The following AK3 variants were observed in gnomAD, a reference collection of about 807,000 sequenced individuals.
AK3 encodes the protein GTP:AMP phosphotransferase AK3, mitochondrial.
In AK3, 27 loss-of-function variants were observed where a neutral mutation model predicts 23.7. The observed-to-expected ratio is 1.14, with a 90% CI of 0.84 to 1.57. The LOEUF is 1.57. Ranked by LOEUF, AK3 falls within the 40% of genes most tolerant of loss-of-function variation. The probability of loss-of-function intolerance (pLI) is 0.00; values close to 1 mark genes in which losing one functional copy is unlikely to be tolerated. For missense variants in AK3, 406 were observed against 285.6 expected, an observed-to-expected ratio of 1.42 and a Z score of -3.04; for synonymous variants, 159 against 116.0, an observed-to-expected ratio of 1.37 and a Z score of -2.38.
Position 4,710,471 on chromosome 9 carries a change from G to C in AK3, c.*2505C>G, listed in dbSNP as rs1680427124. 6.6e-6 allele frequency: 1 copy of C among 150,818 alleles called. No individual in the cohort carries two copies. The highest frequency in any genetic ancestry group is 2.1e-4 in the South Asian group (1 of 4,786). 9.3% of individuals were successfully genotyped at this position (150,818 alleles called of 1,614,324 possible). ...CCTGACCTCGTGATCCGCCCGCCTC[G>C]GCCTCCCAAAGTGCTGGGATTACAG... On this transcript the variant is annotated 3_prime_UTR_variant, in exon 5 of 5. Coordinates refer to ENST00000381809, the MANE Select transcript of AK3 (RefSeq NM_016282.4).
Position 4,725,112 on chromosome 9 carries a change from C to A in AK3, c.152-2487G>T, listed in dbSNP as rs566747726. On this transcript the variant is annotated intron_variant, in intron 1 of 4. Coordinates refer to ENST00000381809, the MANE Select transcript of AK3 (RefSeq NM_016282.4). Reference sequence around the variant, plus strand: ...ATCTTGGCTCACTGCAACCTCCCCCCTCCCAGGTTCAAGTGATTCTCCTGC... The same window carrying A: ...ATCTTGGCTCACTGCAACCTCCCCCATCCCAGGTTCAAGTGATTCTCCTGC... Among the ~76,000 whole-genome samples the A allele has an allele frequency of 2.0e-5, 3 of 151,714 alleles. 1 individual carries two copies. The highest frequency in any genetic ancestry group is 4.8e-5 in the African/African-American group (2 of 41,318).
Position 4,709,975 on chromosome 9 carries a change from G to A in AK3, c.*3001C>T, listed in dbSNP as rs1315736528. 1 of 152,138 alleles carries A rather than the reference G, an allele frequency of 6.6e-6. No homozygotes were observed. The highest frequency in any genetic ancestry group is 2.4e-5 in the African/African-American group (1 of 41,434). The allele number at this position is 152,138 out of a possible 1,614,324, so 9.4% of individuals were successfully genotyped here. A position where few individuals can be genotyped will look rare whatever the true frequency, so the allele number is the denominator to read the frequency against. Reference sequence around the variant, plus strand: ...ATAGGGCAGTTTTGTCACAAGTTATGAGGATCCAAAATATCTTGCTAGAAT... The same window carrying A: ...ATAGGGCAGTTTTGTCACAAGTTATAAGGATCCAAAATATCTTGCTAGAAT... On this transcript the variant is annotated 3_prime_UTR_variant, in exon 5 of 5. Coordinates refer to ENST00000381809, the MANE Select transcript of AK3 (RefSeq NM_016282.4).
At chr9:4,718,999 A>C (rs1326325058) in intron 3 of AK3, 136 bp downstream of exon 3, 11 of 989,956 alleles carry the variant, frequency 1.1e-5, no homozygotes, top group Non-Finnish European at 1.6e-5. Context: ...TGATCAGTCA[A>C]CTCTACCAAG....
chr9:4,719,255 G>A lies in AK3; in HGVS notation c.324C>T (p.Ile108=), dbSNP rs199935643. ...GCACATTCAGGTTAATCACTGTGTCGATCTGATAAGCTCTATCTAGGGCTT... is the reference window on the plus strand; with the variant it reads ...GCACATTCAGGTTAATCACTGTGTCAATCTGATAAGCTCTATCTAGGGCTT... ...QAEALDRAYQ[I]DTVINLNVPF... is the part of the protein sequence containing the mutation. Residue 108 remains isoleucine, a synonymous_variant, in exon 3 of 5, where the codon ATC becomes ATT. Transcript: ENST00000381809. The A allele has an allele frequency of 1.9e-5, 30 of 1,594,622 alleles. No homozygotes were observed. The Admixed American group carries it at 3.0e-4, about 16-fold the overall frequency.
intron 4 of AK3, among the ~76,000 whole-genome samples, chr9:4,715,928 G>A (rs1841714557): frequency 6.6e-6 from 1 of 152,138 alleles, no homozygotes; most frequent in African/African-American, 2.4e-5. Context: ...CATGATCAGA[G>A]CTAATCGGTG....
intron 1 of AK3, among the ~76,000 whole-genome samples, chr9:4,734,078 A>G (rs572541517): frequency 3.9e-5 from 6 of 152,180 alleles, no homozygotes; most frequent in Non-Finnish European, 8.8e-5. Context: ...ATATTTGGAA[A>G]TAGGGCTTTA....
At chr9:4,715,870 G>T (rs985250189) in intron 4 of AK3, among the ~76,000 whole-genome samples, 1 of 152,126 alleles carries the variant, frequency 6.6e-6, no homozygotes, top group Non-Finnish European at 1.5e-5. Context: ...AAACTCAGTC[G>T]ACGAGGTTCA....
At chr9:4,731,015 G>C (rs1166101951) in intron 1 of AK3, among the ~76,000 whole-genome samples, 1 of 152,160 alleles carries the variant, frequency 6.6e-6, no homozygotes. Flanking sequence ...TGCCTTACTT[G>C]GCTGGAAGGA....
intron 1 of AK3, among the ~76,000 whole-genome samples, chr9:4,739,694 G>C (rs1007534985): frequency 6.6e-6 from 1 of 152,036 alleles, no homozygotes; most frequent in Non-Finnish European, 1.5e-5. Flanking sequence ...CACTTTGGAA[G>C]GCCGAGCCGG....
chr9:4,731,813 A>C (rs1032779224), intron 1 of AK3, among the ~76,000 whole-genome samples: 1 of 152,022 alleles, frequency 6.6e-6, no homozygotes, highest in Admixed American at 6.6e-5. Context: ...GCATGGGTCT[A>C]CCTCTGCCTC....
At chr9:4,736,917 A>C (rs1289163840) in intron 1 of AK3, among the ~76,000 whole-genome samples, 1 of 151,948 alleles carries the variant, frequency 6.6e-6, no homozygotes, top group Non-Finnish European at 1.5e-5. Flanking sequence ...GGCTCAAATG[A>C]CCCTCCAGCC....
chr9:4,728,802 C>T (rs1384501912), intron 1 of AK3, among the ~76,000 whole-genome samples: 3 of 145,404 alleles, frequency 2.1e-5, no homozygotes, highest in Non-Finnish European at 3.0e-5. Context: ...TCAAGACCAG[C>T]CTGGGCAACA....
chr9:4,728,866 T>TATACACACACAC (rs1395790351), intron 1 of AK3, among the ~76,000 whole-genome samples: 3 of 87,892 alleles, frequency 3.4e-5, no homozygotes, highest in Non-Finnish European at 4.8e-5. Context: ...TATATATATA[T>TATACACACACAC]ACACACACAC....
intron 1 of AK3, 126 bp downstream of exon 1, chr9:4,740,811 T>G: frequency 8.3e-7 from 1 of 1,209,636 alleles, no homozygotes; most frequent in Non-Finnish European, 1.1e-6. Context: ...GAGGTCTCTG[T>G]CCCGGGCGGC....
intron 1 of AK3, among the ~76,000 whole-genome samples, 156 bp from the exon 2 acceptor site, chr9:4,722,781 G>T (rs1179925047): frequency 1.3e-5 from 2 of 152,204 alleles, no homozygotes; most frequent in African/African-American, 2.4e-5. Flanking sequence ...TTATGGCCGG[G>T]AACAGTGGTT....
At chr9:4,731,361 C>A (rs1842148166) in intron 1 of AK3, among the ~76,000 whole-genome samples, 1 of 152,134 alleles carries the variant, frequency 6.6e-6, no homozygotes, top group Non-Finnish European at 1.5e-5. Context: ...TAAGTGAGAA[C>A]ATGAGGTATT....
chr9:4,725,238 C>T (rs10115632), intron 1 of AK3, among the ~76,000 whole-genome samples: 4,091 of 151,280 alleles, frequency 0.027, 167 homozygotes, highest in African/African-American at 0.093. Context: ...TGGCCAGGCT[C>T]GAAATCCTGA....
chr9:4,710,930 G>A lies in AK3; in HGVS notation c.*2046C>T, dbSNP rs898667864. On this transcript the variant is annotated 3_prime_UTR_variant, in exon 5 of 5. Transcript: ENST00000381809. ...CTAAAAAAAAATAAAGAAAAAAGTT[G>A]TATTACAGTCATATTCATTCCTAAA... The A allele has an allele frequency of 1.3e-5, 2 of 152,058 alleles. No homozygotes were observed. The highest frequency in any genetic ancestry group is 6.5e-5 in the Admixed American group (1 of 15,276). The allele number at this position is 152,058 out of a possible 1,614,324, so 9.4% of individuals were successfully genotyped here.
chr9:4,723,069 T>TCAAAAA (rs140150285), intron 1 of AK3, among the ~76,000 whole-genome samples: 8,892 of 152,040 alleles, frequency 0.058, 829 homozygotes, highest in African/African-American at 0.2. Flanking sequence ...AGACTCCGTC[T>TCAAAAA]CAAAAACAAA....
Sources: gnomAD v4.1 joint callset for allele counts (sites outside exome capture counted in the v4.1 genomes callset) on GRCh38, gnomAD v4.1.1 for gene constraint, MANE v1.5 for transcripts, NCBI Gene and HGNC (gene_info 2026-07-23, HGNC 2026-07-21) for gene names.